Variants in ANKFY1 observed in about 807,000 individuals in gnomAD.
ANKFY1 encodes the protein ankyrin repeat and FYVE domain containing 1, also known as ankyrin repeat and FYVE domain-containing protein 1.
Under a neutral mutation model 128.3 loss-of-function variants are expected in ANKFY1, and 47 were observed. The observed-to-expected ratio is 0.37, with a 90% CI of 0.29 to 0.47. The LOEUF is 0.47. Among genes scored for constraint, ANKFY1 ranks in the 20% least tolerant of loss-of-function variants. The pLI is 1.00. For synonymous variants in ANKFY1, 553 were observed against 601.6 expected (o/e 0.92, Z 1.18); for missense variants, 1,222 against 1,510.6 (o/e 0.81, Z 3.17).
At chr17:4,173,840 G>A (rs903045860) in intron 20 of ANKFY1, 69 bp downstream of exon 20, 12 of 1,554,278 alleles carry the variant, frequency 7.7e-6, no homozygotes, top group African/African-American at 2.7e-5. Context: ...GCAGACCCAA[G>A]GGTGCACTGC....
At position 4,206,503 on chromosome 17, in the gene ANKFY1, G is replaced by A; in HGVS notation, c.733-17C>T. 6.2e-7 allele frequency: 1 copy of A among 1,602,478 alleles called. No homozygotes were observed. Among genetic ancestry groups the A allele is most frequent in the Non-Finnish European group, 8.5e-7 (1 of 1,170,296 alleles). ...CCCAGGGAGCTACACAAACAAGTTT[G>A]TAAATTAGCGCCCAGTGAGTAGAGA... On this transcript the variant is annotated splice_polypyrimidine_tract_variant and intron_variant, in intron 6 of 24. Transcript: ENST00000341657.
intron 4 of ANKFY1, among the ~76,000 whole-genome samples, chr17:4,211,962 G>A (rs2060141053): frequency 6.6e-6 from 1 of 152,082 alleles, no homozygotes; most frequent in Admixed American, 6.5e-5. Context: ...AGAGCTGAAG[G>A]CAGGCAAATA....
rs552690916 is a variant in ANKFY1 at position 4,189,625 on chromosome 17, C to G, written c.1373-146G>C. 5.9e-4 allele frequency: 415 copies of G among 698,576 alleles called. 1 individual carries two copies. The East Asian group carries it at 6.7e-3, about 11-fold the overall frequency. The allele number at this position is 698,576 out of a possible 1,614,324, so 43.3% of individuals were successfully genotyped here. On this transcript the variant is annotated intron_variant, in intron 10 of 24. Coordinates refer to ENST00000341657, the MANE Select transcript of ANKFY1 (RefSeq NM_001330063.2). ...CACCAGACAGTAGGCCCACGCCAGACAGTAGGCCCACGCCAGAGAGTAGGC... is the reference window on the plus strand; with the variant it reads ...CACCAGACAGTAGGCCCACGCCAGAGAGTAGGCCCACGCCAGAGAGTAGGC...
chr17:4,174,146 C>T, intron 19 of ANKFY1, 90 bp from the exon 20 acceptor site: 1 of 1,477,178 alleles, frequency 6.8e-7, no homozygotes, highest in Non-Finnish European at 9.2e-7. Flanking sequence ...TTCTGACACC[C>T]ACAGAGGCTG....
chr17:4,223,318 T>A, intron 3 of ANKFY1: 2 of 1,351,262 alleles, frequency 1.5e-6, no homozygotes, highest in Non-Finnish European at 2.1e-6. Context: ...TAGAGGCCAA[T>A]AATCCACAGG....
chr17:4,250,153 A>C (rs2143477504), intron 1 of ANKFY1, among the ~76,000 whole-genome samples: 1 of 152,260 alleles, frequency 6.6e-6, no homozygotes, highest in South Asian at 2.1e-4. Flanking sequence ...CCTACATCTG[A>C]ACTTTTTCTA....
intron 10 of ANKFY1, among the ~76,000 whole-genome samples, chr17:4,189,722 C>CCCACGCCAGACAGTAGGT (rs750570015): frequency 3.0e-5 from 4 of 134,734 alleles, no homozygotes; most frequent in African/African-American, 1.2e-4. Flanking sequence ...AGACAGTAGG[C>CCCACGCCAGACAGTAGGT]CCACGCCAGA....
intron 3 of ANKFY1, 122 bp downstream of exon 3, chr17:4,235,650 C>T: frequency 1.4e-6 from 1 of 720,760 alleles, no homozygotes; most frequent in South Asian, 1.7e-5. Flanking sequence ...TCATGGTTGC[C>T]ATCAATTGCT....
rs1228087941 is a variant in ANKFY1, at chr17:4,173,842, G to A, written c.2923+67C>T. 1.9e-6 allele frequency: 3 copies of A among 1,557,538 alleles called. No homozygotes were observed. In the African/African-American group the frequency reaches 4.1e-5, roughly 21 times the overall value. ...TCCCCAGTGGGGAGCAGACCCAAGG[G>A]TGCACTGCACCCCCACCCCTAGAAT... On this transcript the variant is annotated intron_variant, in intron 20 of 24. Coordinates refer to ENST00000341657, the MANE Select transcript of ANKFY1 (RefSeq NM_001330063.2).
At chr17:4,174,374 C>G (rs1220909732) in intron 19 of ANKFY1, among the ~76,000 whole-genome samples, 1 of 152,032 alleles carries the variant, frequency 6.6e-6, no homozygotes. Context: ...CTACGGGTGT[C>G]TACTGCTTGG....
At chr17:4,241,363 TCCATCTCCCGGGTTTACG>T (rs1473499328) in intron 2 of ANKFY1, among the ~76,000 whole-genome samples, 1 of 145,156 alleles carries the variant, frequency 6.9e-6, no homozygotes, top group Non-Finnish European at 1.5e-5. Flanking sequence ...CACTGCAAGC[TCCATCTCCCGGGTTTACG>T]CCATTCTCCT....
intron 1 of ANKFY1, among the ~76,000 whole-genome samples, chr17:4,255,261 T>G (rs909802219): frequency 6.6e-6 from 1 of 150,444 alleles, no homozygotes; most frequent in African/African-American, 2.5e-5. Context: ...TTTTTTTTTT[T>G]TTTGAGACAA....
chr17:4,196,045 C>G (rs944034681), intron 8 of ANKFY1, among the ~76,000 whole-genome samples: 1 of 84,864 alleles, frequency 1.2e-5, no homozygotes, highest in African/African-American at 4.5e-5. Context: ...CACCACCCCC[C>G]ACCCACACAG....
rs764462610 is a variant in ANKFY1 at position 4,169,332 on chromosome 17, C to G, written c.3287-44G>C. 6.9e-7 allele frequency: 1 copy of G among 1,457,592 alleles called. No individual in the cohort carries two copies. The highest frequency in any genetic ancestry group is 1.2e-5 in the South Asian group (1 of 81,784). 90.3% of individuals were successfully genotyped at this position (1,457,592 alleles called of 1,614,324 possible). A position where few individuals can be genotyped will look rare whatever the true frequency, so the allele number is the denominator to read the frequency against. On this transcript the variant is annotated intron_variant, in intron 23 of 24. Coordinates refer to ENST00000341657, the MANE Select transcript of ANKFY1 (RefSeq NM_001330063.2). The surrounding 1 kb of genome is among the most constrained non-coding windows in gnomAD (Gnocchi z 5.0). ...GCCCGGTCCCGTCAAACCGCGACGG[C>G]GCCACGCAAGCCCCAGGGCTTGGAG...
At chr17:4,174,911 T>G (rs866250583) in intron 19 of ANKFY1, among the ~76,000 whole-genome samples, 3 of 151,908 alleles carry the variant, frequency 2.0e-5, no homozygotes, top group African/African-American at 7.2e-5. Context: ...AAAAATTCTG[T>G]AGAGACAACG....
chr17:4,178,941 C>T lies in ANKFY1; in HGVS notation c.2514G>A (p.Leu838=), dbSNP rs1317726292. The change falls in exon 18 of 25, where the codon CTG becomes CTA. Residue 838 remains leucine (L), a synonymous_variant. Coordinates refer to ENST00000341657, the MANE Select transcript of ANKFY1 (RefSeq NM_001330063.2). The surrounding 1 kb of genome is among the most constrained non-coding windows in gnomAD (Gnocchi z 4.1). ...IHLNVRDRQG[L]TPFACAMTFK... is the part of the protein sequence containing the mutation. ...AAGTCATGGCACAGGCAAACGGGGT[C>T]AGCCCTTGTCTGTCTCGTACATTCA... 6.2e-7 allele frequency: 1 copy of T among 1,614,210 alleles called. No homozygotes were observed. The highest frequency in any genetic ancestry group is 1.1e-5 in the South Asian group (1 of 91,086).
intron 7 of ANKFY1, among the ~76,000 whole-genome samples, chr17:4,202,515 G>A (rs1471414730): frequency 2.0e-5 from 3 of 150,240 alleles, no homozygotes; most frequent in Non-Finnish European, 4.4e-5. Flanking sequence ...TGGCTAACAC[G>A]GTGAAACCCC....
At chr17:4,210,956 C>T (rs2060118999) in intron 4 of ANKFY1, among the ~76,000 whole-genome samples, 1 of 151,938 alleles carries the variant, frequency 6.6e-6, no homozygotes, top group African/African-American at 2.4e-5. Context: ...TGCTTGAACC[C>T]AGGAGGCGGA....
intron 5 of ANKFY1, among the ~76,000 whole-genome samples, chr17:4,208,713 A>G (rs183481072): frequency 6.6e-6 from 1 of 152,260 alleles, no homozygotes; most frequent in Admixed American, 6.5e-5. Context: ...TAATTTGCAA[A>G]AGGTAGCACC....
Sources: gnomAD v4.1 joint callset for allele counts (sites outside exome capture counted in the v4.1 genomes callset) on GRCh38, gnomAD v4.1.1 for gene constraint, Gnocchi (gnomAD v3.1) non-coding constraint, MANE v1.5 for transcripts, NCBI Gene and HGNC (gene_info 2026-07-23, HGNC 2026-07-21) for gene names.